Variants in SWAP70 observed in about 807,000 individuals in gnomAD.
The protein encoded by SWAP70 is switching B cell complex subunit SWAP70, also known as switch-associated protein 70.
Under a neutral mutation model 80.2 loss-of-function variants are expected in SWAP70, and 34 were observed. The ratio of observed to expected loss-of-function variants is 0.42; its 90% CI spans 0.32 to 0.56. SWAP70 has a LOEUF of 0.56. Among genes scored for constraint, SWAP70 ranks in the 20% least tolerant of loss-of-function variants. The pLI, the probability that SWAP70 is intolerant of heterozygous loss-of-function variation, is 0.09. For synonymous variants in SWAP70, 239 were observed against 238.5 expected, an observed-to-expected ratio of 1.00 and a Z score of -0.02; for missense variants, 578 against 690.7, an observed-to-expected ratio of 0.84 and a Z score of 1.83.
intron 1 of SWAP70, among the ~76,000 whole-genome samples, chr11:9,665,903 CT>C (rs972308821): frequency 2.0e-5 from 3 of 149,342 alleles, no homozygotes; most frequent in Non-Finnish European, 3.0e-5. Context: ...GTAGCTGGGT[CT>C]TTTTTTTTAT....
chr11:9,671,846 A>G (rs1312485451), intron 1 of SWAP70, among the ~76,000 whole-genome samples: 1 of 105,250 alleles, frequency 9.5e-6, no homozygotes, highest in Non-Finnish European at 1.7e-5. Context: ...TATATAATAT[A>G]TAAAATAAAT....
At chr11:9,676,729 A>T (rs1304422759) in intron 1 of SWAP70, among the ~76,000 whole-genome samples, 2 of 148,954 alleles carry the variant, frequency 1.3e-5, no homozygotes, top group Non-Finnish European at 3.0e-5. Context: ...GGCTTACTGC[A>T]AGCTCCGCCT....
At chr11:9,722,882 G>T (rs1851157921) in intron 3 of SWAP70, among the ~76,000 whole-genome samples, 1 of 152,180 alleles carries the variant, frequency 6.6e-6, no homozygotes, top group African/African-American at 2.4e-5. Context: ...ACAAAATCAA[G>T]GAAGAACACA....
chr11:9,716,557 A>T (rs1314142062), intron 3 of SWAP70, among the ~76,000 whole-genome samples: 5 of 152,184 alleles, frequency 3.3e-5, no homozygotes, highest in African/African-American at 1.2e-4. Context: ...TCTTCATTGG[A>T]CTCTGTGAGG....
In SWAP70 at chr11:9,732,561, G is replaced by A. The variant is rs372544640; in HGVS notation, c.931G>A (p.Gly311Ser). The A allele has an allele frequency of 6.2e-7, 1 of 1,606,680 alleles. No individual in the cohort carries two copies. The highest frequency in any genetic ancestry group is 8.5e-7 in the Non-Finnish European group (1 of 1,176,090). The change falls in exon 7 of 12, where the codon GGC becomes AGC. Residue 311 changes from glycine to serine, a missense_variant. Coordinates refer to ENST00000318950, the MANE Select transcript of SWAP70 (RefSeq NM_015055.4). ...TTCTACTATTCATCTGTTGAAGCTGGGCAGCCCTCCACCACACAAAGAAGC... is the reference window on the plus strand; with the variant it reads ...TTCTACTATTCATCTGTTGAAGCTGAGCAGCCCTCCACCACACAAAGAAGC... ...IHSTIHLLKL[G>S]SPPPHKEARQ...
At chr11:9,719,700 A>G (rs1272775920) in intron 3 of SWAP70, among the ~76,000 whole-genome samples, 1 of 152,168 alleles carries the variant, frequency 6.6e-6, no homozygotes, top group African/African-American at 2.4e-5. Flanking sequence ...TCGTTCCATA[A>G]TTTTTGTTAG....
Position 9,713,616 on chromosome 11 carries a change from C to T in SWAP70, c.391C>T (p.Pro131Ser). Residue 131 changes from proline to serine, a missense_variant, in exon 3 of 12, where the codon CCA (proline) becomes TCA (serine). Transcript: ENST00000318950. ...CAACTTTTTATCTGAGGACAAGTATCCATTAATTATTGTGTCAGAAGAGGT... is the reference window on the plus strand; with the variant it reads ...CAACTTTTTATCTGAGGACAAGTATTCATTAATTATTGTGTCAGAAGAGGT... ...IFNFLSEDKY[P>S]LIIVSEEIEY... 1 of 1,613,392 alleles carries T rather than the reference C, an allele frequency of 6.2e-7. No individual in the cohort carries two copies. The highest frequency in any genetic ancestry group is 1.3e-5 in the African/African-American group (1 of 74,980).
intron 1 of SWAP70, among the ~76,000 whole-genome samples, chr11:9,678,353 T>C (rs1850525934): frequency 6.6e-6 from 1 of 152,114 alleles, no homozygotes; most frequent in African/African-American, 2.4e-5. Flanking sequence ...TAAGGGCAGC[T>C]CTCTAAATAA....
chr11:9,697,429 C>T (rs943161834), intron 2 of SWAP70, among the ~76,000 whole-genome samples: 5 of 151,882 alleles, frequency 3.3e-5, no homozygotes, highest in Non-Finnish European at 7.4e-5. Flanking sequence ...ATTACAGGCA[C>T]ATACCACCAC....
intron 2 of SWAP70, among the ~76,000 whole-genome samples, chr11:9,700,498 C>T (rs1271995964): frequency 6.6e-6 from 1 of 152,242 alleles, no homozygotes; most frequent in African/African-American, 2.4e-5. Context: ...AGTTATTAAA[C>T]AGTTGCAAGG....
intron 6 of SWAP70, among the ~76,000 whole-genome samples, chr11:9,730,811 T>C (rs142978100): frequency 1.3e-3 from 194 of 152,324 alleles, no homozygotes; most frequent in African/African-American, 4.2e-3. Context: ...CAGGGGTACA[T>C]GTGCAGGTCT....
At chr11:9,711,771 T>C (rs976986516) in intron 2 of SWAP70, among the ~76,000 whole-genome samples, 9 of 152,336 alleles carry the variant, frequency 5.9e-5, no homozygotes, top group Admixed American at 3.3e-4. Flanking sequence ...AGAGCCTAGA[T>C]TTTTCTAGCC....
chr11:9,673,954 C>T (rs1344049888), intron 1 of SWAP70, among the ~76,000 whole-genome samples: 1 of 152,094 alleles, frequency 6.6e-6, no homozygotes, highest in Non-Finnish European at 1.5e-5. Flanking sequence ...GGCTGGAGTG[C>T]AATGGCATGA....
At chr11:9,726,082 T>A (rs1851222037) in intron 4 of SWAP70, among the ~76,000 whole-genome samples, 1 of 152,162 alleles carries the variant, frequency 6.6e-6, no homozygotes, top group Admixed American at 6.5e-5. Context: ...TTTGGTGAAT[T>A]TTTTTCTTCT....
chr11:9,678,624 C>G (rs1200757496), intron 1 of SWAP70, among the ~76,000 whole-genome samples: 1 of 149,120 alleles, frequency 6.7e-6, no homozygotes, highest in East Asian at 2.0e-4. Flanking sequence ...AGTTCTTAAC[C>G]TCTCTGATCT....
At chr11:9,736,225 T>C (rs573143598) in intron 7 of SWAP70, among the ~76,000 whole-genome samples, 17 of 152,294 alleles carry the variant, frequency 1.1e-4, no homozygotes, top group South Asian at 6.2e-4. Context: ...CTCTTTATTA[T>C]TCTCTATTTT....
At chr11:9,716,873 G>A (rs965829718) in intron 3 of SWAP70, among the ~76,000 whole-genome samples, 1 of 152,166 alleles carries the variant, frequency 6.6e-6, no homozygotes, top group African/African-American at 2.4e-5. Flanking sequence ...ACGGAACCTT[G>A]GGACCATTTC....
rs765924802 is a variant in SWAP70, at chr11:9,749,958, G to T, written c.1746G>T (p.Lys582Asn). The change falls in exon 12 of 12, where the codon AAG (lysine) becomes AAT (asparagine). Residue 582 changes from lysine to asparagine, a missense_variant. Transcript: ENST00000318950. ...GAGAGAAGAACTGGAAAGAGAAAAA[G>T]ACCACGGAGTGACTGAGCTTGCTGG... ...EEREKNWKEKKTTE is the reference protein window; with the variant it reads ...EEREKNWKEKNTTE The T allele has an allele frequency of 1.2e-6, 2 of 1,612,974 alleles. No homozygotes were observed. The highest frequency in any genetic ancestry group is 4.5e-5 in the East Asian group (2 of 44,872).
chr11:9,697,850 A>C, intron 2 of SWAP70, among the ~76,000 whole-genome samples: 1 of 152,144 alleles, frequency 6.6e-6, no homozygotes, highest in Non-Finnish European at 1.5e-5. Flanking sequence ...ATGCTGTCAC[A>C]GCTCCCTGCA....
Sources: gnomAD v4.1 joint callset for allele counts (sites outside exome capture counted in the v4.1 genomes callset) on GRCh38, gnomAD v4.1.1 for gene constraint, MANE v1.5 for transcripts, NCBI Gene and HGNC (gene_info 2026-07-23, HGNC 2026-07-21) for gene names.